Variants in DDAH1 observed in about 807,000 individuals in gnomAD.
DDAH1 encodes the protein N(G),N(G)-dimethylarginine dimethylaminohydrolase 1.
Under a neutral mutation model 28.8 loss-of-function variants are expected in DDAH1, and 19 were observed. The ratio of observed to expected loss-of-function variants is 0.66; its 90% CI spans 0.46 to 0.97. The LOEUF (loss-of-function observed/expected upper bound fraction) is 0.97, where lower values mean the gene tolerates loss of function less well. Ranked by LOEUF, DDAH1 falls within the 50% of genes least tolerant of loss-of-function variation. The pLI is 0.00. For synonymous variants in DDAH1, 153 were observed against 154.4 expected (o/e 0.99, Z 0.07); for missense variants, 326 against 375.9 (o/e 0.87, Z 1.10).
intron 3 of DDAH1, among the ~76,000 whole-genome samples, chr1:85,350,814 TAA>T (rs1170232306): frequency 6.6e-6 from 1 of 152,178 alleles, no homozygotes; most frequent in Non-Finnish European, 1.5e-5. Context: ...ATATCCTGTG[TAA>T]ACAGTGGCTC....
At chr1:85,429,539 G>C (rs1447911987) in intron 1 of DDAH1, among the ~76,000 whole-genome samples, 1 of 152,200 alleles carries the variant, frequency 6.6e-6, no homozygotes, top group Non-Finnish European at 1.5e-5. Flanking sequence ...CCAGTAATGG[G>C]ATTGCTGGGT....
At chr1:85,323,922 T>C (rs889815869) in intron 5 of DDAH1, among the ~76,000 whole-genome samples, 3 of 148,830 alleles carry the variant, frequency 2.0e-5, no homozygotes, top group African/African-American at 7.5e-5. Flanking sequence ...TGAGACATGA[T>C]TATGCCACTG....
At chr1:85,519,229 G>A (rs1657584486) in intron 1 of DDAH1, among the ~76,000 whole-genome samples, 1 of 151,444 alleles carries the variant, frequency 6.6e-6, no homozygotes, top group South Asian at 2.1e-4. Context: ...CAGTAGCTGC[G>A]ACTACAGGCG....
intron 1 of DDAH1, among the ~76,000 whole-genome samples, chr1:85,434,104 T>C (rs940860374): frequency 6.6e-6 from 1 of 152,158 alleles, no homozygotes; most frequent in Non-Finnish European, 1.5e-5. Flanking sequence ...ACTTACACTG[T>C]TTCCCTCACC....
chr1:85,389,304 G>A (rs147768456), intron 1 of DDAH1, among the ~76,000 whole-genome samples: 31 of 152,238 alleles, frequency 2.0e-4, no homozygotes, highest in African/African-American at 4.6e-4. Context: ...ATCTCAAAGC[G>A]TTGTGATGAA....
chr1:85,382,487 A>G (rs1429812840), intron 1 of DDAH1, among the ~76,000 whole-genome samples: 1 of 152,252 alleles, frequency 6.6e-6, no homozygotes, highest in African/African-American at 2.4e-5. Context: ...AGGTGAAGCG[A>G]TAAGTGCTGA....
In DDAH1 at chr1:85,321,397, G is replaced by C. The variant is rs1480018127; in HGVS notation, c.*55C>G. On this transcript the variant is annotated 3_prime_UTR_variant, in exon 6 of 6. Transcript: ENST00000284031. ...AAGGAAAACAACAGGAGTGGGCACA[G>C]AGTCATCGGCCTTGCCTGTGCGGTC... 9.1e-7 allele frequency: 1 copy of C among 1,097,760 alleles called. No individual in the cohort carries two copies. The highest frequency in any genetic ancestry group is 1.4e-6 in the Non-Finnish European group (1 of 711,308). The allele number at this position is 1,097,760 out of a possible 1,614,324, so 68.0% of individuals were successfully genotyped here. A position where few individuals can be genotyped will look rare whatever the true frequency, so the allele number is the denominator to read the frequency against.
chr1:85,353,529 G>T (rs1045602769), intron 2 of DDAH1, among the ~76,000 whole-genome samples: 2 of 151,926 alleles, frequency 1.3e-5, no homozygotes, highest in African/African-American at 4.8e-5. Context: ...CAGTTTTTTG[G>T]GTAATGGCAT....
At chr1:85,409,289 A>ACCC (rs2100592892) in intron 1 of DDAH1, among the ~76,000 whole-genome samples, 1 of 152,034 alleles carries the variant, frequency 6.6e-6, no homozygotes, top group South Asian at 2.1e-4. Flanking sequence ...TATTGCAGGA[A>ACCC]CCCCTATGTG....
At chr1:85,413,428 A>G (rs955887542) in intron 1 of DDAH1, among the ~76,000 whole-genome samples, 6 of 152,256 alleles carry the variant, frequency 3.9e-5, no homozygotes, top group East Asian at 1.9e-4. Context: ...AGGCTTCTGA[A>G]AAAACAATTT....
intron 1 of DDAH1, among the ~76,000 whole-genome samples, chr1:85,532,771 G>C (rs531129874): frequency 5.3e-5 from 8 of 152,156 alleles, no homozygotes; most frequent in Non-Finnish European, 1.0e-4. Context: ...GAGCCCCCAG[G>C]TTTTAACAAA....
intron 1 of DDAH1, among the ~76,000 whole-genome samples, chr1:85,500,147 T>C (rs1049241540): frequency 1.8e-5 from 1 of 55,184 alleles, no homozygotes; most frequent in African/African-American, 5.5e-5. Context: ...TCTTTCTTTC[T>C]TTTCTTTCTT....
At chr1:85,444,085 C>T (rs1654326723) in intron 1 of DDAH1, among the ~76,000 whole-genome samples, 1 of 152,168 alleles carries the variant, frequency 6.6e-6, no homozygotes, top group African/African-American at 2.4e-5. Flanking sequence ...GCATCCCTGC[C>T]TTGTGCCAGT....
intron 2 of DDAH1, among the ~76,000 whole-genome samples, chr1:85,486,949 TAGAG>T (rs1219523366): frequency 6.6e-6 from 1 of 152,138 alleles, no homozygotes; most frequent in African/African-American, 2.4e-5. Flanking sequence ...CTGAAACTAA[TAGAG>T]AAGAATTCTT....
intron 1 of DDAH1, among the ~76,000 whole-genome samples, chr1:85,416,549 A>G (rs1394827000): frequency 2.0e-5 from 3 of 152,340 alleles, no homozygotes; most frequent in South Asian, 2.1e-4. Context: ...CATAAAGTTC[A>G]TAATATTCCC....
intron 1 of DDAH1, among the ~76,000 whole-genome samples, chr1:85,417,139 T>C (rs1652922192): frequency 2.0e-5 from 3 of 152,182 alleles, no homozygotes; most frequent in African/African-American, 7.2e-5. Flanking sequence ...AAAAATATGA[T>C]TTTAGTGAAG....
chr1:85,382,729 G>A (rs945149711), intron 1 of DDAH1, among the ~76,000 whole-genome samples: 3 of 152,208 alleles, frequency 2.0e-5, no homozygotes, highest in Admixed American at 2.0e-4. Context: ...AGAGGTTAAT[G>A]GAGCTGGTTA....
chr1:85,324,321 T>A (rs532548214), intron 5 of DDAH1, among the ~76,000 whole-genome samples: 4 of 134,232 alleles, frequency 3.0e-5, no homozygotes, highest in Admixed American at 2.2e-4. Flanking sequence ...TAAAAAGAAA[T>A]AAAAAGAAAA....
chr1:85,508,820 G>T (rs1657120257), intron 1 of DDAH1, among the ~76,000 whole-genome samples: 2 of 152,224 alleles, frequency 1.3e-5, no homozygotes, highest in Non-Finnish European at 2.9e-5. Flanking sequence ...CGGCCAAGAA[G>T]CTCGAACTGG....
Sources: gnomAD v4.1 joint callset for allele counts (sites outside exome capture counted in the v4.1 genomes callset) on GRCh38, gnomAD v4.1.1 for gene constraint, MANE v1.5 for transcripts, NCBI Gene and HGNC (gene_info 2026-07-23, HGNC 2026-07-21) for gene names.